The following FBXO34 variants were observed in gnomAD, a reference collection of about 807,000 sequenced individuals.
The protein encoded by FBXO34 is F-box only protein 34.
A neutral mutation model predicts 24.5 loss-of-function variants in FBXO34; 12 were observed. The ratio of observed to expected loss-of-function variants is 0.49; its 90% confidence interval spans 0.31 to 0.79. FBXO34 has a LOEUF of 0.79. FBXO34 is among the 30% of genes least tolerant of loss of function. FBXO34 has a pLI of 0.04. For synonymous variants in FBXO34, 320 were observed against 311.9 expected (o/e 1.03, Z -0.27); for missense variants, 823 against 857.7 (o/e 0.96, Z 0.51).
At chr14:55,275,293 A>G (rs1025385346) in intron 1 of FBXO34, among the ~76,000 whole-genome samples, 2 of 152,242 alleles carry the variant, frequency 1.3e-5, no homozygotes, top group African/African-American at 2.4e-5. Context: ...TCAGTAGAGT[A>G]TAGGTGTAAA....
At chr14:55,315,759 C>T (rs1020639737) in intron 1 of FBXO34, among the ~76,000 whole-genome samples, 10 of 152,132 alleles carry the variant, frequency 6.6e-5, no homozygotes, top group African/African-American at 2.2e-4. Context: ...GTTATCAGTT[C>T]TTTTCTTTGT....
In FBXO34 at chr14:55,350,402, G is replaced by A. The variant is rs917478892; in HGVS notation, c.12G>A (p.Lys4=). The change falls in exon 2 of 2, where the codon AAG becomes AAA. Residue 4 remains lysine (K), a synonymous_variant. Transcript: ENST00000313833. The part of the protein sequence containing the change: MHL[K]PYWKLQKKEH... ...ATAGGGGCTTTGTTATGCACCTAAA[G>A]CCATATTGGAAGCTCCAGAAGAAAG... 1 of 1,579,392 alleles carries A rather than the reference G, an allele frequency of 6.3e-7. No homozygotes were observed. The highest frequency in any genetic ancestry group is 1.4e-5 in the African/African-American group (1 of 72,840).
the FBXO34 span, chr14:55,411,700 C>T: frequency 1.9e-6 from 3 of 1,612,964 alleles, no homozygotes; most frequent in Non-Finnish European, 2.5e-6. Flanking sequence ...GCGGGCAGCG[C>T]TCCACAGCCA....
the FBXO34 span, chr14:55,394,964 G>T: frequency 4.9e-6 from 2 of 407,552 alleles, no homozygotes; most frequent in South Asian, 1.8e-5. Context: ...AAAAAGCACT[G>T]ACACTTCAAA....
chr14:55,431,020 C>T, the FBXO34 span, among the ~76,000 whole-genome samples: 1 of 152,148 alleles, frequency 6.6e-6, no homozygotes, highest in Non-Finnish European at 1.5e-5. Flanking sequence ...ATTGTACAAA[C>T]ATTAGAAAGT....
intron 3 of FBXO34, among the ~76,000 whole-genome samples, chr14:55,361,489 G>C (rs1450390862): frequency 1.3e-5 from 2 of 152,166 alleles, no homozygotes; most frequent in Admixed American, 6.5e-5. Context: ...ATGAACACTG[G>C]CTTCAACTGA....
chr14:55,433,773 C>T, the FBXO34 span: 6 of 1,531,108 alleles, frequency 3.9e-6, no homozygotes, highest in Middle Eastern at 3.5e-4. Context: ...TTAACATTAT[C>T]CCAGTTGAAA....
chr14:55,387,448 C>G, the FBXO34 span, among the ~76,000 whole-genome samples: 7 of 152,152 alleles, frequency 4.6e-5, no homozygotes, highest in African/African-American at 1.7e-4. Context: ...CATAAACACT[C>G]CCCAGACCTT....
chr14:55,404,734 C>T, the FBXO34 span, among the ~76,000 whole-genome samples: 76,704 of 151,960 alleles, frequency 0.5, 20,723 homozygotes, highest in African/African-American at 0.71. Context: ...TCCAAAGATA[C>T]AGCGCAATCT....
chr14:55,386,196 A>G, the FBXO34 span: 1 of 1,028,474 alleles, frequency 9.7e-7, no homozygotes, highest in Non-Finnish European at 1.4e-6. Context: ...CTTGCAATCT[A>G]AACTGAAAGC....
At chr14:55,434,905 T>C in the FBXO34 span, among the ~76,000 whole-genome samples, 5 of 151,968 alleles carry the variant, frequency 3.3e-5, no homozygotes, top group East Asian at 5.9e-4. Flanking sequence ...TTTTTCCCAG[T>C]AGGAAGCAGG....
chr14:55,288,093 A>T (rs1048258782), intron 1 of FBXO34, among the ~76,000 whole-genome samples: 2 of 152,210 alleles, frequency 1.3e-5, no homozygotes, highest in African/African-American at 4.8e-5. Flanking sequence ...GCCAGGAGGT[A>T]TAAATGATGT....
chr14:55,350,415 C>T lies in FBXO34; in HGVS notation c.25C>T (p.Leu9Phe). ...TATGCACCTAAAGCCATATTGGAAGCTCCAGAAGAAAGAGCACCCCCCGGA... is the reference window on the plus strand; with the variant it reads ...TATGCACCTAAAGCCATATTGGAAGTTCCAGAAGAAAGAGCACCCCCCGGA... MHLKPYWK[L>F]QKKEHPPEVS... Residue 9 changes from leucine to phenylalanine, a missense_variant, in exon 2 of 2, where the codon CTC (leucine) becomes TTC (phenylalanine). Leu to Phe is a conservative substitution (Grantham distance 22). This residue lies in a region of FBXO34 where 693 missense variants were observed against 659.1 expected (regional missense o/e 1.05). Transcript: ENST00000313833. 2 of 1,592,002 alleles carry T rather than the reference C, an allele frequency of 1.3e-6. No individual in the cohort carries two copies. The highest frequency in any genetic ancestry group is 1.7e-6 in the Non-Finnish European group (2 of 1,172,192).
intron 1 of FBXO34, among the ~76,000 whole-genome samples, chr14:55,313,511 T>C (rs1169067149): frequency 6.6e-6 from 1 of 152,190 alleles, no homozygotes; most frequent in Non-Finnish European, 1.5e-5. Flanking sequence ...TTGATATCAA[T>C]TTACTGTATT....
intron 1 of FBXO34, chr14:55,318,222 C>T (rs1236000924): frequency 6.6e-6 from 1 of 151,218 alleles, no homozygotes; most frequent in Non-Finnish European, 1.5e-5. Flanking sequence ...TGTGTTTAGT[C>T]TACCATCCTT....
chr14:55,372,427 T>C (rs1421601911), downstream of FBXO34, among the ~76,000 whole-genome samples: 1 of 152,126 alleles, frequency 6.6e-6, no homozygotes, highest in Non-Finnish European at 1.5e-5. Flanking sequence ...TTCTGTTCTG[T>C]TCAGCTGTGC....
At chr14:55,364,665 G>A (rs1203972319), downstream of FBXO34, among the ~76,000 whole-genome samples, 1 of 151,690 alleles carries the variant, frequency 6.6e-6, no homozygotes, top group African/African-American at 2.4e-5. Flanking sequence ...CTGACCTCAG[G>A]TGATCCGCCT....
intron 1 of FBXO34, among the ~76,000 whole-genome samples, chr14:55,320,855 G>C (rs1222325037): frequency 6.6e-6 from 1 of 152,176 alleles, no homozygotes; most frequent in African/African-American, 2.4e-5. Flanking sequence ...ATACTGTTGA[G>C]ATAGCAGATG....
intron 1 of FBXO34, chr14:55,299,265 G>C: frequency 1.3e-6 from 1 of 784,576 alleles, no homozygotes; most frequent in Non-Finnish European, 2.3e-6. Context: ...AACTGGGCTG[G>C]GTCCAGCGCG....
Sources: allele counts gnomAD v4.1 joint callset (sites outside exome capture counted in the v4.1 genomes callset), GRCh38; gene constraint gnomAD v4.1.1; regional missense constraint gnomAD v4.1.1; transcripts MANE v1.5; gene names NCBI Gene and HGNC (gene_info 2026-07-23, HGNC 2026-07-21).